Variants in JAKMIP3 observed in about 807,000 individuals in gnomAD.
JAKMIP3 encodes janus kinase and microtubule-interacting protein 3.
A neutral mutation model predicts 118.5 loss-of-function variants in JAKMIP3; 58 were observed. The ratio of observed to expected loss-of-function variants is 0.49; its 90% CI spans 0.40 to 0.61. JAKMIP3 has a LOEUF of 0.61. JAKMIP3 is among the 20% of genes least tolerant of loss of function. JAKMIP3 has a pLI of 0.00. For missense variants in JAKMIP3, 950 were observed against 1,109.0 expected (o/e 0.86, Z 2.04); for synonymous variants, 486 against 451.2 (o/e 1.08, Z -0.98).
In JAKMIP3 at chr10:132,056,255, A is replaced by G. The variant is rs181958852; in HGVS notation, c.-138+19517A>G. Among the ~76,000 whole-genome samples, 787 of 152,252 alleles carry G rather than the reference A, an allele frequency of 5.2e-3. 10 individuals are homozygous for G. The highest frequency in any genetic ancestry group is 0.017 in the African/African-American group (712 of 41,538). On this transcript the variant is annotated intron_variant, in intron 1 of 23. Transcript: ENST00000657785. ...CTCAGCACATTGCCACCGGGCTGTA[A>G]AGCTTGTCCGTGGCCTGTGGAGGTG...
At chr10:132,176,613 G>A (rs946970137) in intron 23 of JAKMIP3, among the ~76,000 whole-genome samples, 6 of 152,116 alleles carry the variant, frequency 3.9e-5, no homozygotes, top group Non-Finnish European at 7.3e-5. Flanking sequence ...ATACGATCAC[G>A]GCAGCAGACA....
Position 132,117,622 on chromosome 10 carries a change from C to A in JAKMIP3, c.633+48C>A, listed in dbSNP as rs1248951920. On this transcript the variant is annotated intron_variant, in intron 3 of 23. Transcript: ENST00000684848. The surrounding 1 kb of genome is among the most constrained non-coding windows in gnomAD (Gnocchi z 8.6). ...GCGTGGGCGAGGGTGCAGGGGCGGG[C>A]GTGGGCGAGGGTGCAGGGGCGGGCG... 1 of 882,568 alleles carries A rather than the reference C, an allele frequency of 1.1e-6. No individual in the cohort carries two copies. The highest frequency in any genetic ancestry group is 1.7e-5 in the South Asian group (1 of 59,522). 54.7% of individuals were successfully genotyped at this position (882,568 alleles called of 1,614,324 possible).
At chr10:132,108,995 A>AT (rs36128657) in intron 2 of JAKMIP3, among the ~76,000 whole-genome samples, 2,398 of 130,682 alleles carry the variant, frequency 0.018, no homozygotes, top group South Asian at 0.03. Context: ...GTATATATAC[A>AT]TATACACGCA....
At chr10:132,120,886 A>G (rs537216304) in intron 3 of JAKMIP3, among the ~76,000 whole-genome samples, 4 of 152,286 alleles carry the variant, frequency 2.6e-5, no homozygotes, top group African/African-American at 7.2e-5. Context: ...AGTTAAATCT[A>G]CGCGTGAGGT....
At chr10:132,110,678 A>C (rs1266975771) in intron 2 of JAKMIP3, among the ~76,000 whole-genome samples, 4 of 152,284 alleles carry the variant, frequency 2.6e-5, no homozygotes, top group African/African-American at 7.2e-5. Context: ...ACTGAGGAAG[A>C]CTTGAGCAGA....
chr10:132,118,955 G>A lies in JAKMIP3; in HGVS notation c.633+1381G>A, dbSNP rs2048142644. On this transcript the variant is annotated intron_variant, in intron 3 of 23. Coordinates refer to ENST00000684848, the MANE Select transcript of JAKMIP3 (RefSeq NM_001323087.2). The surrounding 1 kb of genome is among the most constrained non-coding windows in gnomAD (Gnocchi z 4.8). The stretch of plus-strand genomic sequence containing the variant: ...CCAGTGCCACACGACCCTTTCATTT[G>A]TCTTGGTTGGATTCGATGCTCTCAG... Among the ~76,000 whole-genome samples the A allele has an allele frequency of 6.6e-6, 1 of 152,176 alleles. No individual in the cohort carries two copies. The highest frequency in any genetic ancestry group is 2.4e-5 in the African/African-American group (1 of 41,446).
chr10:132,121,857 C>T (rs1227144668), intron 3 of JAKMIP3, among the ~76,000 whole-genome samples: 2 of 152,174 alleles, frequency 1.3e-5, no homozygotes, highest in African/African-American at 4.8e-5. Context: ...CCAAGGTCCA[C>T]CCTGAGGACA....
chr10:132,133,246 C>A, intron 3 of JAKMIP3, 66 bp from the exon 4 acceptor site: 1 of 1,358,492 alleles, frequency 7.4e-7, no homozygotes. Context: ...GGGCTGCGCC[C>A]GTTTCTATGG....
chr10:132,166,213 T>C (rs1434898939), intron 21 of JAKMIP3, among the ~76,000 whole-genome samples: 1 of 152,014 alleles, frequency 6.6e-6, no homozygotes, highest in Non-Finnish European at 1.5e-5. Flanking sequence ...ATAATCTCCG[T>C]TACTCAGGGG....
At position 132,112,213 on chromosome 10, in the gene JAKMIP3, C is replaced by A. The variant is rs754222000; in HGVS notation, c.136-4864C>A. Among the ~76,000 whole-genome samples the A allele has an allele frequency of 6.6e-6, 1 of 152,066 alleles. No individual in the cohort carries two copies. Among genetic ancestry groups the A allele is most frequent in the African/African-American group, 2.4e-5 (1 of 41,402 alleles). On this transcript the variant is annotated intron_variant, in intron 2 of 23. Coordinates refer to ENST00000684848, the MANE Select transcript of JAKMIP3 (RefSeq NM_001323087.2). The surrounding 1 kb of genome is among the most constrained non-coding windows in gnomAD (Gnocchi z 4.3). ...GTGGAGCCTCACACCAACATCCAGG[C>A]GGGGGCTGACATTTGGGTGGTGAGC...
chr10:132,074,726 G>A (rs2040505529), intron 1 of JAKMIP3, among the ~76,000 whole-genome samples: 1 of 152,148 alleles, frequency 6.6e-6, no homozygotes, highest in South Asian at 2.1e-4. Flanking sequence ...GTTTGTTTTT[G>A]CGGACTCAGT....
chr10:132,061,326 T>C (rs2133850923), upstream of JAKMIP3, among the ~76,000 whole-genome samples: 1 of 152,256 alleles, frequency 6.6e-6, no homozygotes, highest in Non-Finnish European at 1.5e-5. Context: ...AAGGAGTAAA[T>C]GCATCACACG....
At chr10:132,180,602 CGCGTGTGTGTGTGCGT>C (rs1565019100) in intron 23 of JAKMIP3, among the ~76,000 whole-genome samples, 224 of 12,044 alleles carry the variant, frequency 0.019, 33 homozygotes, top group Middle Eastern at 0.14. Flanking sequence ...TGTGTGCGTG[CGCGTGTGTGTGTGCGT>C]GTGTGTGCGT....
chr10:132,166,968 C>G lies in JAKMIP3; in HGVS notation c.2491-15C>G. The stretch of plus-strand genomic sequence containing the variant: ...TCTTTCCTTCCGTTTCTCCATCCTC[C>G]CCTTTCCGTTTCAGTTTCTATTTTT... On this transcript the variant is annotated splice_polypyrimidine_tract_variant and intron_variant, in intron 21 of 23. Coordinates refer to ENST00000684848, the MANE Select transcript of JAKMIP3 (RefSeq NM_001323087.2). The G allele has an allele frequency of 6.6e-7, 1 of 1,519,840 alleles. No homozygotes were observed. The highest frequency in any genetic ancestry group is 1.2e-5 in the South Asian group (1 of 83,148). The allele number at this position is 1,519,840 out of a possible 1,614,324, so 94.1% of individuals were successfully genotyped here.
intron 1 of JAKMIP3, among the ~76,000 whole-genome samples, chr10:132,040,731 C>A (rs897724663): frequency 6.6e-6 from 1 of 150,876 alleles, no homozygotes; most frequent in Admixed American, 6.6e-5. Context: ...GTGTACGACA[C>A]TTAAAGTGTC....
chr10:132,180,978 T>C (rs1228115564), intron 23 of JAKMIP3, among the ~76,000 whole-genome samples: 1 of 147,614 alleles, frequency 6.8e-6, no homozygotes, highest in Non-Finnish European at 1.5e-5. Flanking sequence ...TGTGTGGGCA[T>C]GTGTGTGTAG....
At chr10:132,089,906 T>C (rs898900086) in intron 1 of JAKMIP3, among the ~76,000 whole-genome samples, 13 of 152,062 alleles carry the variant, frequency 8.5e-5, no homozygotes, top group Admixed American at 2.6e-4. Flanking sequence ...TTATTGAGAG[T>C]TTTTAGCATG....
At chr10:132,120,755 G>A (rs2048409419) in intron 3 of JAKMIP3, among the ~76,000 whole-genome samples, 1 of 152,186 alleles carries the variant, frequency 6.6e-6, no homozygotes, top group African/African-American at 2.4e-5. Flanking sequence ...ACTGACAAGG[G>A]TCCCAGGACC....
chr10:132,079,160 A>AGACG (rs1564874452), intron 1 of JAKMIP3, among the ~76,000 whole-genome samples: 1 of 146,506 alleles, frequency 6.8e-6, no homozygotes, highest in Non-Finnish European at 1.5e-5. Flanking sequence ...CGGACGGCCC[A>AGACG]GCCCCACAGC....
Sources: gnomAD v4.1 joint callset for allele counts (sites outside exome capture counted in the v4.1 genomes callset) on GRCh38, gnomAD v4.1.1 for gene constraint, Gnocchi (gnomAD v3.1) non-coding constraint, MANE v1.5 for transcripts, NCBI Gene and HGNC (gene_info 2026-07-23, HGNC 2026-07-21) for gene names.